ATP10D: variants seen among roughly 807,000 people sequenced by gnomAD.
The protein encoded by ATP10D is phospholipid-transporting ATPase VD.
In ATP10D, 89 loss-of-function variants were observed where a neutral mutation model predicts 144.8. That is an observed-to-expected ratio of 0.61 (90% CI 0.52 to 0.73). ATP10D has a LOEUF of 0.73. ATP10D is among the 30% of genes least tolerant of loss of function. The probability of loss-of-function intolerance (pLI) is 0.00; values close to 1 mark genes in which losing one functional copy is unlikely to be tolerated. For synonymous variants in ATP10D, 571 were observed against 615.1 expected (o/e 0.93, Z 1.06); for missense variants, 1,603 against 1,714.8 (o/e 0.93, Z 1.15).
intron 9 of ATP10D, among the ~76,000 whole-genome samples, chr4:47,539,588 CT>C (rs1390290786): frequency 1.3e-5 from 2 of 152,090 alleles, no homozygotes; most frequent in African/African-American, 4.8e-5. Flanking sequence ...TGTGATTTTA[CT>C]TTTATAACCA....
chr4:47,572,242 T>C lies in ATP10D; in HGVS notation c.3240+12T>C. On this transcript the variant is annotated intron_variant, in intron 17 of 22. Coordinates refer to ENST00000273859, the MANE Select transcript of ATP10D (RefSeq NM_020453.4). Reference sequence around the variant, plus strand: ...AAGAAGGCATGCAGGTGAGTGGATATTGTGCACCCAAGTTCTGTGGCCTTG... The same window carrying C: ...AAGAAGGCATGCAGGTGAGTGGATACTGTGCACCCAAGTTCTGTGGCCTTG... 1.2e-6 allele frequency: 2 copies of C among 1,612,918 alleles called. No homozygotes were observed. Among genetic ancestry groups the C allele is most frequent in the Non-Finnish European group, 1.7e-6 (2 of 1,178,982 alleles).
At chr4:47,573,666 G>A (rs930206977) in intron 18 of ATP10D, among the ~76,000 whole-genome samples, 8 of 152,098 alleles carry the variant, frequency 5.3e-5, no homozygotes, top group Non-Finnish European at 1.0e-4. Context: ...GTAATCAGAC[G>A]TAAGTATCTT....
intron 10 of ATP10D, among the ~76,000 whole-genome samples, chr4:47,553,480 G>GTT (rs1265599792): frequency 2.0e-5 from 3 of 152,346 alleles, no homozygotes; most frequent in Non-Finnish European, 4.4e-5. Flanking sequence ...CTGCTAACCT[G>GTT]TCTGAAGGTG....
intron 5 of ATP10D, among the ~76,000 whole-genome samples, chr4:47,534,353 T>G (rs981026001): frequency 6.6e-6 from 1 of 151,960 alleles, no homozygotes; most frequent in Non-Finnish European, 1.5e-5. Context: ...ACAAACAGAG[T>G]CTCTCCCTGG....
chr4:47,552,062 G>A (rs1215833530), intron 10 of ATP10D, among the ~76,000 whole-genome samples: 1 of 152,098 alleles, frequency 6.6e-6, no homozygotes, highest in African/African-American at 2.4e-5. Flanking sequence ...GCTTTTCAAG[G>A]TCTTCTATGG....
intron 5 of ATP10D, among the ~76,000 whole-genome samples, chr4:47,530,286 A>G (rs1045224516): frequency 2.0e-5 from 3 of 151,914 alleles, no homozygotes; most frequent in African/African-American, 7.3e-5. Context: ...TTGGCTGTGA[A>G]TTTGTCATAC....
chr4:47,497,272 G>A (rs991665299), intron 1 of ATP10D, among the ~76,000 whole-genome samples: 2 of 152,092 alleles, frequency 1.3e-5, no homozygotes, highest in African/African-American at 4.8e-5. Flanking sequence ...CCTGACCAAC[G>A]TGGAGAAATC....
rs73238610 is a variant in ATP10D at position 47,589,594 on chromosome 4, C to T, written c.3942-1448C>T. 4.8e-3 allele frequency among the ~76,000 whole-genome samples: 734 copies of T among 152,180 alleles called. 5 individuals carry two copies. Among genetic ancestry groups the T allele is most frequent in the Non-Finnish European group, 7.4e-3 (502 of 67,976 alleles). On this transcript the variant is annotated intron_variant, in intron 22 of 22. Coordinates refer to ENST00000273859, the MANE Select transcript of ATP10D (RefSeq NM_020453.4). ...TAGGTTTTCTACATATACAGTAATGCCATTAGCAAATAATGACCAGTGTGT... is the reference window on the plus strand; with the variant it reads ...TAGGTTTTCTACATATACAGTAATGTCATTAGCAAATAATGACCAGTGTGT...
chr4:47,521,444 A>G (rs995191056), intron 3 of ATP10D, among the ~76,000 whole-genome samples: 4 of 152,054 alleles, frequency 2.6e-5, no homozygotes, highest in Admixed American at 6.6e-5. Context: ...TCTTTTATGT[A>G]TCTGTGTCGC....
chr4:47,576,152 C>T (rs572886619), intron 18 of ATP10D, among the ~76,000 whole-genome samples: 2 of 151,548 alleles, frequency 1.3e-5, no homozygotes, highest in African/African-American at 4.8e-5. Flanking sequence ...GGGATGGTCT[C>T]GATCTCCTGA....
chr4:47,549,814 G>T (rs1312568098), intron 10 of ATP10D, among the ~76,000 whole-genome samples: 1 of 152,188 alleles, frequency 6.6e-6, no homozygotes, highest in Admixed American at 6.5e-5. Flanking sequence ...AGTAGAGAGA[G>T]GTTCACAGAT....
chr4:47,536,627 A>G, intron 8 of ATP10D, 59 bp from the exon 9 acceptor site: 1 of 1,601,028 alleles, frequency 6.2e-7, no homozygotes, highest in East Asian at 2.2e-5. Context: ...AGCTATGTTC[A>G]GTTTCACATC....
chr4:47,535,057 G>T (rs1264307634), intron 5 of ATP10D, among the ~76,000 whole-genome samples: 1 of 152,032 alleles, frequency 6.6e-6, no homozygotes, highest in African/African-American at 2.4e-5. Context: ...ATGAACTAAT[G>T]CTGGAAAAGA....
rs369089960 is a variant in ATP10D, at chr4:47,511,589, C to CT, written c.-37-913dup. On this transcript the variant is annotated intron_variant, in intron 1 of 22. Transcript: ENST00000273859. ...TGCATTTCTTGGAAAATAAGGAAAC[C>CT]TTAGAAATAAGGAAAATAAGGGAAT... 5.3e-4 allele frequency among the ~76,000 whole-genome samples: 80 copies of CT among 152,200 alleles called. 1 individual carries two copies. The highest frequency in any genetic ancestry group is 1.7e-3 in the African/African-American group (72 of 41,518).
chr4:47,518,785 C>T (rs1716807080), intron 3 of ATP10D, among the ~76,000 whole-genome samples: 1 of 152,006 alleles, frequency 6.6e-6, no homozygotes, highest in African/African-American at 2.4e-5. Context: ...ACAATTAAAC[C>T]ACATTTTATT....
rs567975543 is a variant in ATP10D at position 47,541,419 on chromosome 4, G to A, written c.1396+4481G>A. On this transcript the variant is annotated intron_variant, in intron 9 of 22. Coordinates refer to ENST00000273859, the MANE Select transcript of ATP10D (RefSeq NM_020453.4). The stretch of plus-strand genomic sequence containing the variant: ...TGGAGGTGGATTTTGCACTGATTAA[G>A]GCTTGGGATGTTGAAGCCAAGATAC... Among the ~76,000 whole-genome samples, 7 of 152,266 alleles carry A rather than the reference G, an allele frequency of 4.6e-5. No individual in the cohort carries two copies. The South Asian group carries it at 1.5e-3, about 32-fold the overall frequency.
intron 9 of ATP10D, among the ~76,000 whole-genome samples, chr4:47,540,450 T>G (rs992199301): frequency 1.1e-4 from 16 of 152,322 alleles, no homozygotes; most frequent in African/African-American, 3.8e-4. Flanking sequence ...TTCAATTAAA[T>G]GCATTTTAAT....
At chr4:47,545,679 T>C (rs1189121286) in intron 9 of ATP10D, among the ~76,000 whole-genome samples, 3 of 152,254 alleles carry the variant, frequency 2.0e-5, no homozygotes, top group Admixed American at 2.0e-4. Context: ...ACAAAGATAG[T>C]ACCTATCAAC....
At chr4:47,509,668 A>G (rs1340103343) in intron 1 of ATP10D, among the ~76,000 whole-genome samples, 1 of 152,114 alleles carries the variant, frequency 6.6e-6, no homozygotes, top group Non-Finnish European at 1.5e-5. Flanking sequence ...TTTGTAGCTG[A>G]AATTTTGTAT....
Sources: gnomAD v4.1 joint callset for allele counts (sites outside exome capture counted in the v4.1 genomes callset) on GRCh38, gnomAD v4.1.1 for gene constraint, MANE v1.5 for transcripts, NCBI Gene and HGNC (gene_info 2026-07-23, HGNC 2026-07-21) for gene names.